Variants in PRRC1 observed in about 807,000 individuals in gnomAD.
The protein encoded by PRRC1 is proline rich coiled-coil 1.
A neutral mutation model predicts 40.7 loss-of-function variants in PRRC1; 39 were observed. That is an observed-to-expected ratio of 0.96 (90% CI 0.74 to 1.25). The LOEUF (loss-of-function observed/expected upper bound fraction) is 1.25, where lower values mean the gene tolerates loss of function less well. Ranked by LOEUF, PRRC1 falls within the 50% of genes most tolerant of loss-of-function variation. The pLI is 0.00. For synonymous variants in PRRC1, 175 were observed against 193.3 expected, an observed-to-expected ratio of 0.91 and a Z score of 0.79; for missense variants, 573 against 548.3, an observed-to-expected ratio of 1.05 and a Z score of -0.45.
At chr5:127,522,797 A>G (rs560708310) in intron 1 of PRRC1, among the ~76,000 whole-genome samples, 1 of 151,698 alleles carries the variant, frequency 6.6e-6, no homozygotes, top group African/African-American at 2.4e-5. Flanking sequence ...ATTTTTAGAG[A>G]TCTTGCTCTG....
Position 127,530,391 on chromosome 5 carries a change from A to G in PRRC1, c.752A>G (p.Tyr251Cys), listed in dbSNP as rs1459442702. The change falls in exon 5 of 9, where the codon TAT (tyrosine) becomes TGT (cysteine). Residue 251 changes from tyrosine to cysteine, a missense_variant. Transcript: ENST00000296666. ...ACGCTGGACCCTGGCATGGCTCCCT[A>G]TATCAGTATGTACATAAGTTAGACC... is the stretch of plus-strand genomic sequence containing the variant. Reference protein sequence around the residue: ...ITTLDPGMAPYIKSGGELDIV... With the variant: ...ITTLDPGMAPCIKSGGELDIV... The G allele has an allele frequency of 3.1e-6, 5 of 1,612,362 alleles. No homozygotes were observed. The highest frequency in any genetic ancestry group is 1.7e-5 in the Admixed American group (1 of 59,962).
chr5:127,546,888 T>A (rs1768238498), intron 7 of PRRC1, among the ~76,000 whole-genome samples: 1 of 152,148 alleles, frequency 6.6e-6, no homozygotes, highest in Non-Finnish European at 1.5e-5. Flanking sequence ...TAAATGTCAT[T>A]ATTTAATGTT....
At chr5:127,542,765 T>C (rs1261468587) in intron 7 of PRRC1, among the ~76,000 whole-genome samples, 1 of 150,574 alleles carries the variant, frequency 6.6e-6, no homozygotes, top group East Asian at 1.9e-4. Context: ...AGCCTATGTG[T>C]GTCTCTGCAC....
In PRRC1 at chr5:127,524,661, T is replaced by C. The variant is rs751426102; in HGVS notation, c.234T>C (p.Pro78=). The change falls in exon 3 of 9, where the codon CCT becomes CCC. Residue 78 remains proline, a synonymous_variant. Transcript: ENST00000296666. The part of the protein sequence containing the change: ...PSAPLPFVPP[P]AVPSVPPLVT... ...CACCATTACCTTTTGTGCCTCCTCC[T>C]GCAGTTCCTTCTGTCCCACCACTTG... 6.2e-7 allele frequency: 1 copy of C among 1,614,072 alleles called. No homozygotes were observed. The highest frequency in any genetic ancestry group is 2.2e-5 in the East Asian group (1 of 44,902).
At chr5:127,519,963 C>G (rs771606741) in intron 1 of PRRC1, among the ~76,000 whole-genome samples, 1 of 152,220 alleles carries the variant, frequency 6.6e-6, no homozygotes, top group Non-Finnish European at 1.5e-5. Flanking sequence ...GCAAGTCATG[C>G]CTCCTTTCCC....
rs773768556 is a variant in PRRC1, at chr5:127,551,870, C to T, written c.1292C>T (p.Ala431Val). The T allele has an allele frequency of 3.0e-5, 49 of 1,613,920 alleles. No homozygotes were observed. The highest frequency in any genetic ancestry group is 2.4e-4 in the African/African-American group (18 of 74,892). The change falls in exon 9 of 9, where the codon GCG becomes GTG. Residue 431 changes from alanine (A) to valine (V), a missense_variant. Physicochemically the swap from Ala to Val is moderately conservative, Grantham distance 64. Transcript: ENST00000296666. ...RRQMIYSAAR[A>V]IAGMYKQRLP... ...CAGATGATCTACAGTGCAGCCAGAG[C>T]GATAGCGGGCATGTATAAACAGCGC...
chr5:127,538,988 T>A, intron 6 of PRRC1, 52 bp from the exon 7 acceptor site: 1 of 1,286,388 alleles, frequency 7.8e-7, no homozygotes, highest in East Asian at 2.4e-5. Context: ...AATTAGTATA[T>A]TTAATATGTA....
In PRRC1 at chr5:127,552,974, A is replaced by C. The variant is rs1768431615; in HGVS notation, c.*1058A>C. On this transcript the variant is annotated 3_prime_UTR_variant, in exon 9 of 9. Coordinates refer to ENST00000296666, the MANE Select transcript of PRRC1 (RefSeq NM_130809.5). ...AGTCTACTGTATTTCTATTTCGTGG[A>C]AGCCTTTTCCCCTCAAATAATATAT... 7 of 824,692 alleles carry C rather than the reference A, an allele frequency of 8.5e-6. No homozygotes were observed. Among genetic ancestry groups the C allele is most frequent in the Non-Finnish European group, 1.0e-5 (7 of 684,674 alleles). The allele number at this position is 824,692 out of a possible 1,614,324, so 51.1% of individuals were successfully genotyped here.
Position 127,524,897 on chromosome 5 carries a change from C to A in PRRC1, c.470C>A (p.Ser157Ter), listed in dbSNP as rs762087830. The change falls in exon 3 of 9, where the codon TCA becomes TAA. Residue 157 changes from serine to a stop codon, truncating the protein, a stop_gained. Transcript: ENST00000296666. LOFTEE classifies it high-confidence loss of function. ...GRAPQTPLMP[S>*]FSAPSGTGLL... ...GCTCCCCAGACACCCCTGATGCCATCATTTTCTGCACCTTCAGGAACAGGT... is the reference window on the plus strand; with the variant it reads ...GCTCCCCAGACACCCCTGATGCCATAATTTTCTGCACCTTCAGGAACAGGT... The A allele has an allele frequency of 3.1e-6, 5 of 1,606,898 alleles. No homozygotes were observed. The South Asian group carries it at 4.4e-5, about 14-fold the overall frequency.
chr5:127,543,904 C>T (rs1207899871), intron 7 of PRRC1, among the ~76,000 whole-genome samples: 8 of 152,086 alleles, frequency 5.3e-5, no homozygotes, highest in Non-Finnish European at 1.0e-4. Flanking sequence ...AGCTTTGTTC[C>T]GTTGCTGGTG....
chr5:127,550,197 C>G (rs753698130), intron 8 of PRRC1: 3 of 151,926 alleles, frequency 2.0e-5, no homozygotes, highest in South Asian at 2.1e-4. Flanking sequence ...TTGCTTTTTA[C>G]TTTGCTTTTT....
At chr5:127,545,152 G>C (rs1163773840) in intron 7 of PRRC1, among the ~76,000 whole-genome samples, 1 of 151,992 alleles carries the variant, frequency 6.6e-6, no homozygotes, top group Admixed American at 6.6e-5. Context: ...TGCTGGAGAG[G>C]ATGTGGAGAA....
chr5:127,524,965 T>C (rs777445776), intron 3 of PRRC1, 45 bp downstream of exon 3: 1 of 1,477,308 alleles, frequency 6.8e-7, no homozygotes, highest in South Asian at 1.4e-5. Flanking sequence ...TTAATTAATG[T>C]TTTATTCTTT....
chr5:127,523,589 G>A lies in PRRC1; in HGVS notation c.103+7G>A, dbSNP rs1273584652. On this transcript the variant is annotated splice_region_variant and intron_variant, in intron 2 of 8. Coordinates refer to ENST00000296666, the MANE Select transcript of PRRC1 (RefSeq NM_130809.5). ...TCTACCCCTGTTCCATTAGGTACAT[G>A]TAGTTGTCTAACATCTCGTGTGTTT... The A allele has an allele frequency of 1.9e-6, 3 of 1,555,930 alleles. No individual in the cohort carries two copies. Among genetic ancestry groups the A allele is most frequent in the South Asian group, 2.3e-5 (2 of 85,164 alleles).
At chr5:127,524,462 TAGAC>T (rs963486680) in intron 2 of PRRC1, 65 bp from the exon 3 acceptor site, 65 of 1,484,844 alleles carry the variant, frequency 4.4e-5, no homozygotes, top group Non-Finnish European at 5.4e-5. Context: ...AGAAAGTAAT[TAGAC>T]AGTTTGAAAA....
chr5:127,534,893 G>A (rs1767858340), intron 6 of PRRC1, among the ~76,000 whole-genome samples: 1 of 152,160 alleles, frequency 6.6e-6, no homozygotes, highest in African/African-American at 2.4e-5. Context: ...CTTAATTGAT[G>A]GCAGTTCTAG....
At chr5:127,547,599 T>G (rs1768262920) in intron 7 of PRRC1, among the ~76,000 whole-genome samples, 2 of 151,938 alleles carry the variant, frequency 1.3e-5, no homozygotes, top group African/African-American at 4.8e-5. Flanking sequence ...ATTTTTAAAT[T>G]TTTTTTCTTT....
chr5:127,540,096 A>G (rs1478500136), intron 7 of PRRC1, among the ~76,000 whole-genome samples: 8 of 152,120 alleles, frequency 5.3e-5, no homozygotes, highest in African/African-American at 1.9e-4. Context: ...TGATTATATC[A>G]ACTTGGCTGA....
Position 127,536,443 on chromosome 5 carries a change from T to C in PRRC1, c.922-2597T>C, listed in dbSNP as rs761658923. ...ACTGGAACAAGTCACATACTTAGAT[T>C]GAGAATGTATTTGAAGATTTCCCAA... On this transcript the variant is annotated intron_variant, in intron 6 of 8. Transcript: ENST00000296666. Among the ~76,000 whole-genome samples the C allele has an allele frequency of 1.5e-4, 23 of 152,052 alleles. 1 individual carries two copies. Among genetic ancestry groups the C allele is most frequent in the Non-Finnish European group, 2.9e-5 (2 of 67,956 alleles).
Sources: allele counts gnomAD v4.1 joint callset (sites outside exome capture counted in the v4.1 genomes callset), GRCh38; gene constraint gnomAD v4.1.1; transcripts MANE v1.5; gene names NCBI Gene and HGNC (gene_info 2026-07-23, HGNC 2026-07-21).